Variants in TXNL4A observed in about 807,000 individuals in gnomAD.
TXNL4A encodes the protein thioredoxin like 4A.
In TXNL4A, 17 loss-of-function variants were observed where a neutral mutation model predicts 14.6. The observed-to-expected ratio is 1.16, with a 90% CI of 0.80 to 1.74. The LOEUF is 1.74. TXNL4A is among the 40% of genes most tolerant of loss of function. The pLI is 0.00. For synonymous variants in TXNL4A, 83 were observed against 70.6 expected, an observed-to-expected ratio of 1.18 and a Z score of -0.88; for missense variants, 74 against 195.2, an observed-to-expected ratio of 0.38 and a Z score of 3.70.
intron 1 of TXNL4A, among the ~76,000 whole-genome samples, chr18:80,028,470 C>A (rs2051899632): frequency 6.6e-6 from 1 of 152,094 alleles, no homozygotes; most frequent in African/African-American, 2.4e-5. Flanking sequence ...GCCCTTCTGA[C>A]AAGACCCCTC....
intron 1 of TXNL4A, among the ~76,000 whole-genome samples, chr18:80,029,781 A>G (rs2051909489): frequency 6.6e-6 from 1 of 152,132 alleles, no homozygotes; most frequent in Admixed American, 6.6e-5. Context: ...AGAAATAATA[A>G]CAGAGGCCCA....
intron 1 of TXNL4A, among the ~76,000 whole-genome samples, chr18:79,987,030 T>C (rs2051561105): frequency 6.6e-6 from 1 of 152,190 alleles, no homozygotes; most frequent in Admixed American, 6.5e-5. Flanking sequence ...AGGAAGAGGC[T>C]GCGAGATGGC....
At chr18:79,975,149 C>T (rs2051360163) in intron 2 of TXNL4A, among the ~76,000 whole-genome samples, 2 of 152,100 alleles carry the variant, frequency 1.3e-5, no homozygotes, top group Non-Finnish European at 1.5e-5. Flanking sequence ...TGTACTTCTT[C>T]GGTATTTATA....
At chr18:79,994,523 T>TCTCTCTTAAAGCAATC (rs1167632202) in intron 1 of TXNL4A, among the ~76,000 whole-genome samples, 7 of 141,860 alleles carry the variant, frequency 4.9e-5, no homozygotes, top group Non-Finnish European at 9.1e-5. Flanking sequence ...AATCGTTTTA[T>TCTCTCTTAAAGCAATC]CTCTCTTAAA....
intron 1 of TXNL4A, among the ~76,000 whole-genome samples, chr18:79,999,199 C>T (rs1349149662): frequency 2.0e-5 from 3 of 152,090 alleles, no homozygotes; most frequent in Non-Finnish European, 4.4e-5. Context: ...ATTTAGCCTC[C>T]TCAGGGCAAC....
intron 1 of TXNL4A, among the ~76,000 whole-genome samples, chr18:80,027,890 T>C (rs1288547419): frequency 6.6e-6 from 1 of 152,216 alleles, no homozygotes; most frequent in Non-Finnish European, 1.5e-5. Context: ...CTGTGACTAA[T>C]AAACAACTTA....
chr18:79,976,529 G>C (rs915597094), intron 2 of TXNL4A, among the ~76,000 whole-genome samples: 1 of 152,150 alleles, frequency 6.6e-6, no homozygotes, highest in Non-Finnish European at 1.5e-5. Flanking sequence ...CTCCAGATAA[G>C]CACCCAGCCC....
chr18:80,009,915 T>C (rs1304347016), intron 1 of TXNL4A, among the ~76,000 whole-genome samples: 2 of 152,164 alleles, frequency 1.3e-5, no homozygotes, highest in Non-Finnish European at 2.9e-5. Context: ...AGGAAGGTCA[T>C]ATACCAGTTA....
Position 80,016,614 on chromosome 18 carries a change from T to C in TXNL4A, c.-61+17237A>G, listed in dbSNP as rs1211464784. Among the ~76,000 whole-genome samples the C allele has an allele frequency of 4.6e-5, 7 of 152,272 alleles. 1 individual carries two copies. Among genetic ancestry groups the C allele is most frequent in the Middle Eastern group, 3.4e-3 (1 of 294 alleles). On this transcript the variant is annotated intron_variant, in intron 1 of 2. Transcript: ENST00000585474. ...AGTTTTCCCAGCACCATTTATTAAA[T>C]AGGGAATCCTTTCCACATTGCTTGT...
In TXNL4A at chr18:80,021,485, G is replaced by A. The variant is rs531594859; in HGVS notation, c.-61+12366C>T. On this transcript the variant is annotated intron_variant, in intron 1 of 2. Coordinates refer to the TXNL4A transcript ENST00000585474. ...AGCCACTGCCCCTGGCTGGTTGGAG[G>A]GACTTTCTTAAAGCAAACAAGTATT... 3.3e-5 allele frequency among the ~76,000 whole-genome samples: 5 copies of A among 152,206 alleles called. No homozygotes were observed. The East Asian group carries it at 9.7e-4, about 29-fold the overall frequency.
intron 1 of TXNL4A, among the ~76,000 whole-genome samples, chr18:80,013,198 C>T (rs1369333133): frequency 5.3e-5 from 8 of 150,228 alleles, no homozygotes; most frequent in Non-Finnish European, 1.2e-4. Flanking sequence ...TCTTGGCTCA[C>T]TGCAAGCTCC....
In TXNL4A at chr18:79,978,961, G is replaced by A. The variant is rs553237222; in HGVS notation, c.154-1260C>T. Among the ~76,000 whole-genome samples the A allele has an allele frequency of 9.0e-5, 13 of 145,200 alleles. No homozygotes were observed. In the South Asian group the frequency reaches 9.0e-4, roughly 10 times the overall value. ...CTTTTTTTTTTCTTTTTTTTGAGAC[G>A]GAGTCTCGATCTGTCGCCTGGTCTG... On this transcript the variant is annotated intron_variant, in intron 1 of 2. Transcript: ENST00000269601.
rs1450286951 is a variant in TXNL4A at position 79,993,825 on chromosome 18, C to A, written c.-60-16124G>T. On this transcript the variant is annotated intron_variant, in intron 1 of 2. Transcript: ENST00000585474. The surrounding 1 kb of genome is among the most constrained non-coding windows in gnomAD (Gnocchi z 4.4). ...TGCAACAGCTCTGAGCTGGTTTTCT[C>A]CCCAGAAAAACATGCTTAAGGTCTA... 6.6e-6 allele frequency among the ~76,000 whole-genome samples: 1 copy of A among 152,150 alleles called. No homozygotes were observed. Among genetic ancestry groups the A allele is most frequent in the African/African-American group, 2.4e-5 (1 of 41,426 alleles).
chr18:79,999,000 G>A (rs4020403), intron 1 of TXNL4A, among the ~76,000 whole-genome samples: 13 of 152,114 alleles, frequency 8.5e-5, no homozygotes, highest in African/African-American at 1.4e-4. Context: ...AGGATATGCT[G>A]TGGTTTCCTT....
rs60860228 is a variant in TXNL4A at position 80,015,355 on chromosome 18, AATT to A, written c.-61+18493_-61+18495del. Among the ~76,000 whole-genome samples the A allele has an allele frequency of 9.6e-4, 142 of 148,484 alleles. 1 individual carries two copies. The highest frequency in any genetic ancestry group is 2.7e-3 in the African/African-American group (108 of 40,712). Reference sequence around the variant, plus strand: ...TTTAAAACAAAATGCTTTTTTAAAAAATTATTATTATTATTATTATTATACTTT... The same window carrying A: ...TTTAAAACAAAATGCTTTTTTAAAAAATTATTATTATTATTATTATACTTT... On this transcript the variant is annotated intron_variant, in intron 1 of 2. Transcript: ENST00000585474.
chr18:80,010,306 T>G (rs879915057), intron 1 of TXNL4A, among the ~76,000 whole-genome samples: 2 of 151,994 alleles, frequency 1.3e-5, no homozygotes, highest in African/African-American at 4.8e-5. Context: ...AGGTGCTTAG[T>G]CTGCAGGCTG....
At chr18:80,028,604 T>C (rs2051900490) in intron 1 of TXNL4A, among the ~76,000 whole-genome samples, 1 of 151,920 alleles carries the variant, frequency 6.6e-6, no homozygotes, top group African/African-American at 2.4e-5. Flanking sequence ...GAGATGGAAA[T>C]TTTGGAGCAG....
chr18:80,015,106 C>T, intron 1 of TXNL4A, among the ~76,000 whole-genome samples: 1 of 152,216 alleles, frequency 6.6e-6, no homozygotes, highest in East Asian at 1.9e-4. Flanking sequence ...ACATTTTTTC[C>T]TCCTTGGCTT....
At chr18:79,997,924 G>A (rs564528909) in intron 1 of TXNL4A, among the ~76,000 whole-genome samples, 1 of 152,170 alleles carries the variant, frequency 6.6e-6, no homozygotes, top group African/African-American at 2.4e-5. Context: ...AGAGTGAGAG[G>A]AATTTTAGCT....
Sources: gnomAD v4.1 joint callset for allele counts (sites outside exome capture counted in the v4.1 genomes callset) on GRCh38, gnomAD v4.1.1 for gene constraint, Gnocchi (gnomAD v3.1) non-coding constraint, MANE v1.5 for transcripts, NCBI Gene and HGNC (gene_info 2026-07-23, HGNC 2026-07-21) for gene names.